The following ZNF426 variants were observed in gnomAD, a reference collection of about 807,000 sequenced individuals.
ZNF426 encodes zinc finger protein 426.
ZNF426 carries 23 observed loss-of-function variants against 24.0 expected under a neutral mutation model. That is an observed-to-expected ratio of 0.96 (90% CI 0.69 to 1.36). ZNF426 has a LOEUF of 1.36. ZNF426 is among the 40% of genes most tolerant of loss of function. The probability of loss-of-function intolerance (pLI) is 0.00; values close to 1 mark genes in which losing one functional copy is unlikely to be tolerated. For synonymous variants in ZNF426, 272 were observed against 224.6 expected, an observed-to-expected ratio of 1.21 and a Z score of -1.89; for missense variants, 646 against 658.4, an observed-to-expected ratio of 0.98 and a Z score of 0.21.
At chr19:9,529,754 C>T (rs2073854975) in intron 7 of ZNF426, 118 bp from the exon 8 acceptor site, 3 of 894,866 alleles carry the variant, frequency 3.4e-6, no homozygotes, top group Non-Finnish European at 5.0e-6. Flanking sequence ...TTATTACATG[C>T]ATTCAGGTCC....
chr19:9,531,899 G>A (rs547901635), intron 6 of ZNF426, among the ~76,000 whole-genome samples: 16 of 152,218 alleles, frequency 1.1e-4, no homozygotes, highest in South Asian at 4.1e-4. Context: ...GCAGGAGAAC[G>A]GCATAAACCC....
intron 4 of ZNF426, 69 bp downstream of exon 4, chr19:9,535,119 T>A: frequency 7.3e-6 from 8 of 1,091,424 alleles, no homozygotes; most frequent in Non-Finnish European, 6.6e-6. Flanking sequence ...CAACTCTGCC[T>A]AGAGGGAAAT....
chr19:9,530,149 A>G (rs1424356714), intron 7 of ZNF426, among the ~76,000 whole-genome samples: 1 of 151,390 alleles, frequency 6.6e-6, no homozygotes, highest in African/African-American at 2.4e-5. Flanking sequence ...ATAATAACAG[A>G]TTTCTGTAGA....
chr19:9,529,027 C>T lies in ZNF426; in HGVS notation c.1018G>A (p.Glu340Lys). 6.2e-7 allele frequency: 1 copy of T among 1,613,502 alleles called. No homozygotes were observed. The highest frequency in any genetic ancestry group is 8.5e-7 in the Non-Finnish European group (1 of 1,179,752). The change falls in exon 8 of 8, where the codon GAA (glutamate) becomes AAA (lysine). Residue 340 changes from glutamate (E) to lysine (K), a missense_variant. Transcript: ENST00000253115. ...HTGEKPYVCK[E>K]CGKAFTQYSG... ...TACTGAGTGAAGGCTTTCCCACATT[C>T]CTTACATACATAGGGTTTCTCTCCA...
At chr19:9,537,868 G>A (rs2073992403) in intron 2 of ZNF426, among the ~76,000 whole-genome samples, 1 of 151,908 alleles carries the variant, frequency 6.6e-6, no homozygotes. Flanking sequence ...TAGCCAGGCT[G>A]GTTTCAAACT....
chr19:9,533,990 T>A (rs2073927240), intron 4 of ZNF426, 24 bp from the exon 5 acceptor site: 2 of 1,608,740 alleles, frequency 1.2e-6, no homozygotes, highest in Non-Finnish European at 1.7e-6. Flanking sequence ...CACATGCTGG[T>A]TGGAGCCAAG....
At chr19:9,531,217 T>A in intron 6 of ZNF426, 150 bp from the exon 7 acceptor site, 2 of 613,508 alleles carry the variant, frequency 3.3e-6, no homozygotes, top group Non-Finnish European at 2.9e-6. Flanking sequence ...AAACCCCACC[T>A]CTACTAAAAA....
In ZNF426 at chr19:9,527,990, C is replaced by CTT. The variant is rs201978637; in HGVS notation, c.*388_*389dup. The CTT allele has an allele frequency of 2.8e-4, 39 of 141,322 alleles. No individual in the cohort carries two copies. Among genetic ancestry groups the CTT allele is most frequent in the South Asian group, 8.4e-4 (4 of 4,748 alleles). 8.8% of individuals were successfully genotyped at this position (141,322 alleles called of 1,614,324 possible). On this transcript the variant is annotated 3_prime_UTR_variant, in exon 8 of 8. Transcript: ENST00000253115. ...AGACTCAATTTAATCAAATAATTTT[C>CTT]TTTTTTTTTTTTTTTTGAGATGGAG...
intron 2 of ZNF426, chr19:9,536,608 A>G: frequency 3.7e-6 from 1 of 269,550 alleles, no homozygotes; most frequent in Admixed American, 5.0e-5. Context: ...GAATGCAAGT[A>G]CAAGTTTTGC....
At chr19:9,531,127 G>A (rs1324077601) in intron 6 of ZNF426, 60 bp from the exon 7 acceptor site, 17 of 1,370,794 alleles carry the variant, frequency 1.2e-5, no homozygotes, top group Non-Finnish European at 1.7e-5. Flanking sequence ...GCTCATGCCT[G>A]TAATCCCAGC....
chr19:9,532,923 C>G lies in ZNF426; in HGVS notation c.247G>C (p.Gly83Arg), dbSNP rs1462221291. 1.2e-6 allele frequency: 2 copies of G among 1,612,694 alleles called. No individual in the cohort carries two copies. The highest frequency in any genetic ancestry group is 1.7e-6 in the Non-Finnish European group (2 of 1,178,988). ...ATTAGACTGGGTTTGATGATCTGAC[C>G]TCCTGAGCACAGAGAAATACATTAA... is the stretch of plus-strand genomic sequence containing the variant. ...ENYKNLATVG[G>R]QIIKPSLISW... The change falls in exon 6 of 8, where the codon GGT becomes CGT. Residue 83 changes from glycine to arginine, a missense_variant and splice_region_variant. Coordinates refer to ENST00000253115, the MANE Select transcript of ZNF426 (RefSeq NM_024106.3).
intron 7 of ZNF426, among the ~76,000 whole-genome samples, chr19:9,530,118 C>T (rs1233238569): frequency 6.6e-6 from 1 of 150,816 alleles, no homozygotes; most frequent in African/African-American, 2.5e-5. Flanking sequence ...GAGACTCCGT[C>T]TCAAAATAAT....
rs2073767481 is a variant in ZNF426, at chr19:9,524,060, A to G, written c.*4320T>C. ...CTCCAGTTTGTGTTCTAAAATGTTT[A>G]TCAAGGACTAAGTGGCAGGCAAGGG... is the stretch of plus-strand genomic sequence containing the variant. On this transcript the variant is annotated 3_prime_UTR_variant, in exon 8 of 8. Coordinates refer to ENST00000253115, the MANE Select transcript of ZNF426 (RefSeq NM_024106.3). 1 of 152,962 alleles carries G rather than the reference A, an allele frequency of 6.5e-6. No homozygotes were observed. The highest frequency in any genetic ancestry group is 2.4e-5 in the African/African-American group (1 of 41,476). The allele number at this position is 152,962 out of a possible 1,614,324, so 9.5% of individuals were successfully genotyped here. A position where few individuals can be genotyped will look rare whatever the true frequency, so the allele number is the denominator to read the frequency against.
At position 9,528,959 on chromosome 19, in the gene ZNF426, C is replaced by T. The variant is rs878885916; in HGVS notation, c.1086G>A (p.Lys362=). Residue 362 remains lysine (K), a synonymous_variant, in exon 8 of 8, where the codon AAG becomes AAA. Transcript: ENST00000253115. ...SMHVRSHSGD[K]PYECKECGKS... ...TCCCACATTCCTTACATTCATAGGG[C>T]TTGTCTCCACTGTGAGATCGTACAT... 4.3e-6 allele frequency: 7 copies of T among 1,613,638 alleles called. No homozygotes were observed. The Middle Eastern group carries it at 6.6e-4, about 152-fold the overall frequency.
rs2073778984 is a variant in ZNF426, at chr19:9,525,119, G to A, written c.*3261C>T. On this transcript the variant is annotated 3_prime_UTR_variant, in exon 8 of 8. Transcript: ENST00000253115. ...AAAAAATTAGCCGGGCGTGGTAGCG[G>A]GCGCCTGTAGTCCCAGCTACTCGGG... 6.6e-6 allele frequency: 1 copy of A among 151,128 alleles called. No individual in the cohort carries two copies. Among genetic ancestry groups the A allele is most frequent in the African/African-American group, 2.4e-5 (1 of 41,168 alleles). 9.4% of individuals were successfully genotyped at this position (151,128 alleles called of 1,614,324 possible).
Position 9,527,816 on chromosome 19 carries a change from TGATA to T in ZNF426, c.*560_*563del, listed in dbSNP as rs950776203. ...AAGGTGCCAGCAGGGTTGGTGGCTTTGATAGAAGGATCTGTCCCAGTGCTCTGTC... is the reference window on the plus strand; with the variant it reads ...AAGGTGCCAGCAGGGTTGGTGGCTTTGAAGGATCTGTCCCAGTGCTCTGTC... On this transcript the variant is annotated 3_prime_UTR_variant, in exon 8 of 8. Coordinates refer to ENST00000253115, the MANE Select transcript of ZNF426 (RefSeq NM_024106.3). The T allele has an allele frequency of 6.6e-6, 1 of 152,174 alleles. No individual in the cohort carries two copies. The highest frequency in any genetic ancestry group is 2.4e-5 in the African/African-American group (1 of 41,430). 9.4% of individuals were successfully genotyped at this position (152,174 alleles called of 1,614,324 possible).
chr19:9,537,818 T>C (rs904193199), intron 2 of ZNF426, among the ~76,000 whole-genome samples: 1 of 151,794 alleles, frequency 6.6e-6, no homozygotes, highest in Admixed American at 6.6e-5. Flanking sequence ...GCTCGGCTAA[T>C]TTTTTTTCTA....
Position 9,529,467 on chromosome 19 carries a change from C to T in ZNF426, c.578G>A (p.Gly193Asp), listed in dbSNP as rs573697100. 3.1e-6 allele frequency: 5 copies of T among 1,614,050 alleles called. No homozygotes were observed. In the East Asian group the frequency reaches 1.1e-4, roughly 36 times the overall value. The change falls in exon 8 of 8, where the codon GGT (glycine) becomes GAT (aspartate). Residue 193 changes from glycine (G) to aspartate (D), a missense_variant. Gly to Asp is a moderately conservative substitution (Grantham distance 94). Transcript: ENST00000253115. ...FLTLCEKTST[G>D]EKLSEFNQSE... ...CTGATTAAACTCAGAAAGTTTCTCA[C>T]CAGTAGAGGTTTTCTCACACAGGGT... is the stretch of plus-strand genomic sequence containing the variant.
chr19:9,538,321 G>C lies in ZNF426; in HGVS notation c.-187C>G, dbSNP rs1432316694. 1.3e-5 allele frequency: 2 copies of C among 152,296 alleles called. No homozygotes were observed. Among genetic ancestry groups the C allele is most frequent in the East Asian group, 3.9e-4 (2 of 5,182 alleles). 9.4% of individuals were successfully genotyped at this position (152,296 alleles called of 1,614,324 possible). ...AGATCCTGGGGACGGAGCCAACGCG[G>C]ATGCAAAAGGCAGCAATTATTTTCC... is the stretch of plus-strand genomic sequence containing the variant. On this transcript the variant is annotated 5_prime_UTR_variant, in exon 2 of 8. The change creates a new upstream start codon in the 5' untranslated region. Transcript: ENST00000253115.
Sources: allele counts gnomAD v4.1 joint callset (sites outside exome capture counted in the v4.1 genomes callset), GRCh38; gene constraint gnomAD v4.1.1; transcripts MANE v1.5; gene names NCBI Gene and HGNC (gene_info 2026-07-23, HGNC 2026-07-21).